SEMA3F: variants seen among roughly 807,000 people sequenced by gnomAD.
The protein encoded by SEMA3F is semaphorin-3F.
In SEMA3F, 30 loss-of-function variants were observed where a neutral mutation model predicts 98.5. That is an observed-to-expected ratio of 0.30 (90% CI 0.23 to 0.41). The LOEUF (loss-of-function observed/expected upper bound fraction) is 0.41, where lower values mean the gene tolerates loss of function less well. Ranked by LOEUF, SEMA3F falls within the 10% of genes least tolerant of loss-of-function variation. The probability of loss-of-function intolerance (pLI) is 1.00; values close to 1 mark genes in which losing one functional copy is unlikely to be tolerated. For synonymous variants in SEMA3F, 380 were observed against 444.8 expected (o/e 0.85, Z 1.83); for missense variants, 866 against 1,119.3 (o/e 0.77, Z 3.23).
intron 2 of SEMA3F, among the ~76,000 whole-genome samples, chr3:50,172,204 C>T (rs1698638483): frequency 6.6e-6 from 1 of 152,184 alleles, no homozygotes; most frequent in African/African-American, 2.4e-5. Flanking sequence ...GTGAGTGCCT[C>T]ATGTGTGGTA....
chr3:50,155,107 C>T (rs1398396190), upstream of SEMA3F: 5 of 413,128 alleles, frequency 1.2e-5, no homozygotes, highest in Non-Finnish European at 2.2e-5. This position sits in a 1 kb window ranked among gnomAD's most constrained non-coding sequence, Gnocchi z 4.9. Flanking sequence ...GCGAACGAAC[C>T]GCGGCGGTCC....
chr3:50,179,834 C>T (rs1179020242), intron 7 of SEMA3F, among the ~76,000 whole-genome samples: 1 of 152,228 alleles, frequency 6.6e-6, no homozygotes, highest in African/African-American at 2.4e-5. Context: ...CCAGCTTCCT[C>T]TCTTCTCTCA....
At chr3:50,187,060 A>T (rs1361930295) in intron 18 of SEMA3F, among the ~76,000 whole-genome samples, 1 of 152,194 alleles carries the variant, frequency 6.6e-6, no homozygotes, top group Non-Finnish European at 1.5e-5. Flanking sequence ...CCCTCATTTT[A>T]TGAAAATGCC....
intron 13 of SEMA3F, 43 bp downstream of exon 13, chr3:50,184,857 G>A (rs1196115365): frequency 3.4e-6 from 5 of 1,462,180 alleles, no homozygotes; most frequent in South Asian, 2.4e-5. Flanking sequence ...TGGGCCCACC[G>A]GGTGCGGGGT....
At chr3:50,185,416 A>T (rs1396485573) in intron 13 of SEMA3F, 27 bp from the exon 14 acceptor site, 6 of 1,532,996 alleles carry the variant, frequency 3.9e-6, no homozygotes, top group Non-Finnish European at 4.5e-6. Context: ...CCCCAGCCCC[A>T]CTGAGGCCCT....
intron 4 of SEMA3F, 29 bp downstream of exon 4, chr3:50,174,143 A>AGG: frequency 6.2e-7 from 1 of 1,613,966 alleles, no homozygotes; most frequent in Non-Finnish European, 8.5e-7. Flanking sequence ...ACAGGTGGGA[A>AGG]GGGGGAATCC....
In SEMA3F at chr3:50,186,624, G is replaced by A. The variant is rs1227808150; in HGVS notation, c.1825G>A (p.Ala609Thr). 6.3e-7 allele frequency: 1 copy of A among 1,595,762 alleles called. No homozygotes were observed. Among genetic ancestry groups the A allele is most frequent in the Admixed American group, 1.7e-5 (1 of 59,316 alleles). Reference sequence around the variant, plus strand: ...CTCTCACTCTAAAGCCAACAAGAATGCCGTGGAGTCTGTGCAGTATGGCGT... The same window carrying A: ...CTCTCACTCTAAAGCCAACAAGAATACCGTGGAGTCTGTGCAGTATGGCGT... ...RGFNSNANKN[A>T]VESVQYGVAG... The change falls in exon 18 of 19, where the codon GCC becomes ACC. Residue 609 changes from alanine to threonine, a missense_variant. By Grantham distance (58) the Ala-to-Thr change is moderately conservative. Coordinates refer to ENST00000002829, the MANE Select transcript of SEMA3F (RefSeq NM_004186.5).
In SEMA3F at chr3:50,183,553, C is replaced by A. The variant is rs749976415; in HGVS notation, c.1222C>A (p.Arg408=). Residue 408 remains arginine, a synonymous_variant, in exon 12 of 19, where the codon CGG becomes AGG. Coordinates refer to ENST00000002829, the MANE Select transcript of SEMA3F (RefSeq NM_004186.5). ...MPFSGKMPYP[R]PGTCPGGTFT... is the part of the protein sequence containing the mutation. ...CTTCTCAGGGAAGATGCCCTACCCA[C>A]GGCCGGGCACGGTAAGGACCCCACT... 3 of 1,613,800 alleles carry A rather than the reference C, an allele frequency of 1.9e-6. No individual in the cohort carries two copies. Among genetic ancestry groups the A allele is most frequent in the South Asian group, 1.1e-5 (1 of 91,086 alleles).
In SEMA3F at chr3:50,166,008, A is replaced by G. The variant is rs1193715008; in HGVS notation, c.112+6274A>G. Among the ~76,000 whole-genome samples, 1 of 152,124 alleles carries G rather than the reference A, an allele frequency of 6.6e-6. No individual in the cohort carries two copies. The highest frequency in any genetic ancestry group is 2.4e-5 in the African/African-American group (1 of 41,418). ...GAGGGGAGCACTGGCTATCTGGTGCATCTCTGCAGGGCAAAGACAGACCCA... is the reference window on the plus strand; with the variant it reads ...GAGGGGAGCACTGGCTATCTGGTGCGTCTCTGCAGGGCAAAGACAGACCCA... On this transcript the variant is annotated intron_variant, in intron 2 of 18. Transcript: ENST00000002829. This position sits in a 1 kb window ranked among gnomAD's most constrained non-coding sequence, Gnocchi z 4.7.
intron 2 of SEMA3F, among the ~76,000 whole-genome samples, chr3:50,160,679 C>G (rs1698170128): frequency 6.6e-6 from 1 of 152,210 alleles, no homozygotes; most frequent in African/African-American, 2.4e-5. Context: ...GTGGGGTCGA[C>G]TCAGCCCTGG....
intron 2 of SEMA3F, among the ~76,000 whole-genome samples, chr3:50,169,330 C>T (rs1203756056): frequency 1.3e-5 from 2 of 152,102 alleles, no homozygotes; most frequent in African/African-American, 2.4e-5. Flanking sequence ...CCCCGTGTGC[C>T]TTGAGAAGGT....
At chr3:50,183,045 G>GC (rs1699074903) in intron 10 of SEMA3F, 27 bp downstream of exon 10, 1 of 1,596,340 alleles carries the variant, frequency 6.3e-7, no homozygotes, top group African/African-American at 1.3e-5. Context: ...CAGGCAGGGT[G>GC]CTCTGGCTAC....
intron 2 of SEMA3F, among the ~76,000 whole-genome samples, chr3:50,161,953 C>G (rs1698224571): frequency 2.0e-5 from 3 of 152,190 alleles, no homozygotes. Flanking sequence ...AAACTGGGCT[C>G]CCACCATCTT....
intron 14 of SEMA3F, 51 bp downstream of exon 14, chr3:50,185,582 A>C (rs996110505): frequency 6.2e-7 from 1 of 1,611,584 alleles, no homozygotes; most frequent in Non-Finnish European, 8.5e-7. Flanking sequence ...CCCTCCCCCC[A>C]GTCCCAGCCT....
intron 2 of SEMA3F, among the ~76,000 whole-genome samples, chr3:50,160,814 G>A (rs575044921): frequency 7.6e-4 from 116 of 152,270 alleles, no homozygotes; most frequent in African/African-American, 2.6e-3. Flanking sequence ...CCCTGGCCTC[G>A]TCCCACCCTG....
chr3:50,169,732 G>A (rs1380271172), intron 2 of SEMA3F, among the ~76,000 whole-genome samples: 1 of 152,250 alleles, frequency 6.6e-6, no homozygotes, highest in Non-Finnish European at 1.5e-5. Flanking sequence ...GACAAGTGGA[G>A]CAGATGTGGG....
chr3:50,176,615 G>C (rs1482293694), intron 6 of SEMA3F, among the ~76,000 whole-genome samples, 153 bp from the exon 7 acceptor site: 4 of 152,044 alleles, frequency 2.6e-5, no homozygotes, highest in African/African-American at 9.7e-5. Context: ...GACCTGGCTG[G>C]ATGGAGTTTA....
intron 11 of SEMA3F, 50 bp from the exon 12 acceptor site, chr3:50,183,370 G>A (rs1699089377): frequency 1.2e-6 from 2 of 1,609,174 alleles, no homozygotes; most frequent in Admixed American, 1.7e-5. Context: ...TTGGGGAGGG[G>A]CCCTAGGTGG....
At position 50,187,930 on chromosome 3, in the gene SEMA3F, C is replaced by T. The variant is rs1699294676; in HGVS notation, c.2173C>T (p.Pro725Ser). ...PPPPGAGPPT[P>S]PYQELAQLLA... is the part of the protein sequence containing the mutation. ...ACCCCCAGGCGCAGGCCCCCCAACG[C>T]CTCCTTACCAGGAGTTAGCCCAGCT... Residue 725 changes from proline to serine, a missense_variant, in exon 19 of 19, where the codon CCT becomes TCT. Pro to Ser is a moderately conservative substitution (Grantham distance 74, BLOSUM62 -1). This residue lies in a region of SEMA3F where 245 missense variants were observed against 260.5 expected (regional missense o/e 0.94). Coordinates refer to ENST00000002829, the MANE Select transcript of SEMA3F (RefSeq NM_004186.5). The T allele has an allele frequency of 1.9e-6, 3 of 1,608,388 alleles. No homozygotes were observed. Among genetic ancestry groups the T allele is most frequent in the Non-Finnish European group, 8.5e-7 (1 of 1,177,540 alleles).
Sources: allele counts gnomAD v4.1 joint callset (sites outside exome capture counted in the v4.1 genomes callset), GRCh38; gene constraint gnomAD v4.1.1; regional missense constraint gnomAD v4.1.1; non-coding constraint Gnocchi (gnomAD v3.1); transcripts MANE v1.5; gene names NCBI Gene and HGNC (gene_info 2026-07-23, HGNC 2026-07-21).